Variants in PCDHA10 observed in about 807,000 individuals in gnomAD.
PCDHA10 encodes protocadherin alpha-10.
A neutral mutation model predicts 61.2 loss-of-function variants in PCDHA10; 45 were observed. The observed-to-expected ratio is 0.74, with a 90% CI of 0.58 to 0.94. The LOEUF (loss-of-function observed/expected upper bound fraction) is 0.94, where lower values mean the gene tolerates loss of function less well. Among genes scored for constraint, PCDHA10 ranks in the 40% least tolerant of loss-of-function variants. PCDHA10 has a pLI of 0.00. For missense variants in PCDHA10, 1,278 were observed against 1,236.2 expected (o/e 1.03, Z -0.51); for synonymous variants, 602 against 548.8 (o/e 1.10, Z -1.35).
intron 1 of PCDHA10, chr5:140,875,760 C>A (rs781811926): frequency 1.2e-6 from 2 of 1,614,200 alleles, no homozygotes; most frequent in Non-Finnish European, 1.7e-6. Flanking sequence ...AGAAGCTGTG[C>A]GGGCGGAGCG....
At chr5:140,871,955 G>C in intron 1 of PCDHA10, among the ~76,000 whole-genome samples, 1 of 152,196 alleles carries the variant, frequency 6.6e-6, no homozygotes, top group East Asian at 1.9e-4. Flanking sequence ...TTTCTAAAGG[G>C]AGGAGGTCTT....
chr5:140,900,907 T>C (rs1156878452), intron 1 of PCDHA10, among the ~76,000 whole-genome samples: 1 of 152,190 alleles, frequency 6.6e-6, no homozygotes, highest in African/African-American at 2.4e-5. Context: ...ATTTTAACTG[T>C]GGTAAGATGA....
At chr5:140,991,183 A>G (rs3776108) in intron 3 of PCDHA10, among the ~76,000 whole-genome samples, 7,613 of 152,310 alleles carry the variant, frequency 0.05, 238 homozygotes, top group South Asian at 0.11. Flanking sequence ...CAGGATGCCT[A>G]GCACACAATG....
intron 1 of PCDHA10, among the ~76,000 whole-genome samples, chr5:140,916,248 T>C (rs2077492943): frequency 6.6e-6 from 1 of 152,180 alleles, no homozygotes; most frequent in Admixed American, 6.5e-5. Flanking sequence ...AGCCTGGACT[T>C]GGGGACCCCA....
At chr5:140,871,294 T>C in intron 1 of PCDHA10, 1 of 1,613,852 alleles carries the variant, frequency 6.2e-7, no homozygotes, top group Non-Finnish European at 8.5e-7. Context: ...TGAGGGCGCG[T>C]GCGCGCCGGG....
intron 1 of PCDHA10, chr5:140,859,908 T>C (rs1554152827): frequency 6.6e-6 from 1 of 150,380 alleles, no homozygotes; most frequent in Non-Finnish European, 1.5e-5. Context: ...CTTAATGTCT[T>C]ATATTATAAG....
chr5:140,856,238 C>T lies in PCDHA10; in HGVS notation c.190C>T (p.Arg64Trp), dbSNP rs1250461159. The change falls in exon 1 of 4, where the codon CGG (arginine) becomes TGG (tryptophan). Residue 64 changes from arginine to tryptophan, a missense_variant. Arg to Trp is a moderately radical substitution (Grantham distance 101). Transcript: ENST00000307360. ...GGCGGAGCTGGTGCAGCGCCTGTTC[C>T]GGGTGGCGTCCAAAAGACACGGGGA... ...ELAELVQRLF[R>W]VASKRHGDLL... The T allele has an allele frequency of 5.6e-6, 9 of 1,597,934 alleles. 1 individual carries two copies. Among genetic ancestry groups the T allele is most frequent in the Non-Finnish European group, 7.7e-6 (9 of 1,167,850 alleles).
chr5:140,882,485 G>C, intron 1 of PCDHA10: 3 of 1,614,106 alleles, frequency 1.9e-6, no homozygotes, highest in Non-Finnish European at 2.5e-6. Flanking sequence ...AAGACACGGG[G>C]ACCTTCTGGA....
intron 1 of PCDHA10, chr5:140,928,053 G>C: frequency 6.2e-7 from 1 of 1,614,212 alleles, no homozygotes; most frequent in Non-Finnish European, 8.5e-7. Context: ...CTTTTCAGCT[G>C]ACGGCTTCCT....
intron 1 of PCDHA10, among the ~76,000 whole-genome samples, chr5:140,914,956 T>C (rs2076915145): frequency 6.6e-6 from 1 of 150,718 alleles, no homozygotes; most frequent in African/African-American, 2.4e-5. Flanking sequence ...TTTTTTTTTT[T>C]TTTTTTCTGA....
At chr5:140,875,478 G>A (rs2055526738) in intron 1 of PCDHA10, 1 of 1,610,404 alleles carries the variant, frequency 6.2e-7, no homozygotes, top group Admixed American at 1.7e-5. Flanking sequence ...CTGCAATGGT[G>A]ATTATCGGAC....
At chr5:140,875,568 C>G in intron 1 of PCDHA10, 2 of 1,614,114 alleles carry the variant, frequency 1.2e-6, no homozygotes, top group Non-Finnish European at 1.7e-6. Context: ...GCCAGCTCCA[C>G]TACTCCGTCT....
At position 140,857,384 on chromosome 5, in the gene PCDHA10, G is replaced by A; in HGVS notation, c.1336G>A (p.Asp446Asn). 7 of 1,598,500 alleles carry A rather than the reference G, an allele frequency of 4.4e-6. 1 individual carries two copies. The highest frequency in any genetic ancestry group is 2.7e-5 in the African/African-American group (2 of 74,484). Residue 446 changes from aspartate to asparagine, a missense_variant, in exon 1 of 4, where the codon GAC becomes AAC. By Grantham distance (23) the Asp-to-Asn change is conservative. Transcript: ENST00000307360. ...GGCCAGCGTGTCTGTGGAGGTGGCC[G>A]ACGTGAACGACAACGCGCCTGCGTT... ...ATASVSVEVA[D>N]VNDNAPAFAQ... is the part of the protein sequence containing the mutation.
rs183311315 is a variant in PCDHA10, at chr5:140,913,513, T to C, written c.2388+55077T>C. ...AGTCTGTTTAAAACTTTGTCAATTTTATTTATCTTTTCAAAAGATTGACTT... is the reference window on the plus strand; with the variant it reads ...AGTCTGTTTAAAACTTTGTCAATTTCATTTATCTTTTCAAAAGATTGACTT... On this transcript the variant is annotated intron_variant, in intron 1 of 3. Coordinates refer to ENST00000307360, the MANE Select transcript of PCDHA10 (RefSeq NM_018901.4). Among the ~76,000 whole-genome samples, 393 of 152,272 alleles carry C rather than the reference T, an allele frequency of 2.6e-3. 2 individuals are homozygous for C. The highest frequency in any genetic ancestry group is 9.2e-3 in the African/African-American group (382 of 41,572).
chr5:140,935,393 C>T (rs1213341467), intron 1 of PCDHA10, among the ~76,000 whole-genome samples: 2 of 152,166 alleles, frequency 1.3e-5, no homozygotes, highest in Admixed American at 6.5e-5. Context: ...TGTTATCCCA[C>T]GGGACTCAAA....
chr5:141,010,405 C>A lies in PCDHA10; in HGVS notation c.*468C>A. The A allele has an allele frequency of 7.9e-7, 1 of 1,260,098 alleles. No homozygotes were observed. The highest frequency in any genetic ancestry group is 1.1e-6 in the Non-Finnish European group (1 of 934,062). The allele number at this position is 1,260,098 out of a possible 1,614,324, so 78.1% of individuals were successfully genotyped here. On this transcript the variant is annotated 3_prime_UTR_variant, in exon 4 of 4. Transcript: ENST00000307360. ...ATTGGCTGAGACGAGCCAGCTTAGACTAATTGGTACAAGGAAGGCAAGAAA... is the reference window on the plus strand; with the variant it reads ...ATTGGCTGAGACGAGCCAGCTTAGAATAATTGGTACAAGGAAGGCAAGAAA...
chr5:140,927,769 G>A (rs1471080821), intron 1 of PCDHA10: 4 of 1,614,084 alleles, frequency 2.5e-6, no homozygotes, highest in African/African-American at 2.7e-5. Context: ...AAGTGGGGAG[G>A]TGCAAGTAGC....
At chr5:140,869,447 A>G in intron 1 of PCDHA10, 1 of 1,614,214 alleles carries the variant, frequency 6.2e-7, no homozygotes, top group Non-Finnish European at 8.5e-7. Flanking sequence ...AGGCCGCTGC[A>G]GGTTTTCCAT....
intron 1 of PCDHA10, chr5:140,884,314 G>T: frequency 6.2e-7 from 1 of 1,613,760 alleles, no homozygotes. Context: ...CGTCGAGGGC[G>T]TCGGCAGGCG....
Sources: allele counts gnomAD v4.1 joint callset (sites outside exome capture counted in the v4.1 genomes callset), GRCh38; gene constraint gnomAD v4.1.1; transcripts MANE v1.5; gene names NCBI Gene and HGNC (gene_info 2026-07-23, HGNC 2026-07-21).